SMARCC1: variants seen among roughly 807,000 people sequenced by gnomAD.
SMARCC1 encodes the protein SWI/SNF complex subunit SMARCC1.
In SMARCC1, 43 loss-of-function variants were observed where a neutral mutation model predicts 147.4. That is an observed-to-expected ratio of 0.29 (90% CI 0.23 to 0.38). The LOEUF is 0.38. Among genes scored for constraint, SMARCC1 ranks in the 10% least tolerant of loss-of-function variants. The probability of loss-of-function intolerance (pLI) is 1.00; values close to 1 mark genes in which losing one functional copy is unlikely to be tolerated. For synonymous variants in SMARCC1, 495 were observed against 484.4 expected, an observed-to-expected ratio of 1.02 and a Z score of -0.29; for missense variants, 1,119 against 1,381.1, an observed-to-expected ratio of 0.81 and a Z score of 3.01.
At position 47,675,535 on chromosome 3, in the gene SMARCC1, T is replaced by G. The variant is rs1251193110; in HGVS notation, c.1779A>C (p.Pro593=). 1 of 1,613,184 alleles carries G rather than the reference T, an allele frequency of 6.2e-7. No individual in the cohort carries two copies. Among genetic ancestry groups the G allele is most frequent in the African/African-American group, 1.3e-5 (1 of 74,916 alleles). The change falls in exon 18 of 28, where the codon CCA becomes CCC. Residue 593 remains proline (P), a synonymous_variant. Coordinates refer to ENST00000254480, the MANE Select transcript of SMARCC1 (RefSeq NM_003074.4). ...LNFPEKNKEK[P]VDLQNFGLRT... ...GGAGACCAAAGTTCTGCAAATCAAC[T>G]GGTTTTTCCTTGTTTTTCTCAGGAA...
At chr3:47,650,250 T>C (rs573613241) in intron 21 of SMARCC1, among the ~76,000 whole-genome samples, 91 of 150,060 alleles carry the variant, frequency 6.1e-4, no homozygotes, top group African/African-American at 1.8e-3. Flanking sequence ...CACTCTAGCC[T>C]GGGCGACAGA....
At chr3:47,590,153 G>C (rs1022922435) in intron 27 of SMARCC1, among the ~76,000 whole-genome samples, 4 of 152,176 alleles carry the variant, frequency 2.6e-5, no homozygotes, top group Admixed American at 2.6e-4. Context: ...CTGGAACTTC[G>C]TATTTCCTCT....
chr3:47,632,592 T>C (rs1195259151), intron 24 of SMARCC1, among the ~76,000 whole-genome samples: 1 of 151,926 alleles, frequency 6.6e-6, no homozygotes, highest in African/African-American at 2.4e-5. Context: ...TGGGCAAATC[T>C]CTTGAGCCCA....
chr3:47,618,249 A>C (rs1349338311), intron 25 of SMARCC1, among the ~76,000 whole-genome samples: 1 of 152,178 alleles, frequency 6.6e-6, no homozygotes, highest in Non-Finnish European at 1.5e-5. Flanking sequence ...AACATTTTTT[A>C]AAAGTCAAAA....
chr3:47,618,972 C>T (rs1000565674), intron 25 of SMARCC1, among the ~76,000 whole-genome samples: 3 of 152,126 alleles, frequency 2.0e-5, no homozygotes, highest in African/African-American at 7.2e-5. Context: ...CCCGCATATG[C>T]CAACAATCCA....
In SMARCC1 at chr3:47,692,167, GAAGAA is replaced by G. The variant is rs1251227461; in HGVS notation, c.1225+1069_1225+1073del. On this transcript the variant is annotated intron_variant, in intron 12 of 27. Transcript: ENST00000254480. ...AAACAATAGGTTCTCCTTTACAAGT[GAAGAA>G]AAGAAATCAAGCCTAATGTCTCATC... Among the ~76,000 whole-genome samples the G allele has an allele frequency of 2.6e-5, 4 of 152,162 alleles. No homozygotes were observed. In the East Asian group the frequency reaches 5.8e-4, roughly 22 times the overall value.
At chr3:47,602,573 C>T (rs1397283958) in intron 26 of SMARCC1, among the ~76,000 whole-genome samples, 1 of 152,144 alleles carries the variant, frequency 6.6e-6, no homozygotes, top group African/African-American at 2.4e-5. Flanking sequence ...GCTGGGATTA[C>T]AGGCGTAAGC....
At chr3:47,654,334 C>T (rs1454272848) in intron 21 of SMARCC1, among the ~76,000 whole-genome samples, 1 of 152,212 alleles carries the variant, frequency 6.6e-6, no homozygotes, top group Non-Finnish European at 1.5e-5. Flanking sequence ...GCAGAATCAA[C>T]ATAGAAGAAC....
chr3:47,642,852 T>C (rs1366462464), intron 21 of SMARCC1, among the ~76,000 whole-genome samples: 2 of 152,080 alleles, frequency 1.3e-5, no homozygotes, highest in African/African-American at 4.8e-5. Flanking sequence ...TTGAGACCAC[T>C]CTAGGCAACA....
At chr3:47,745,452 C>T (rs1010450647) in intron 3 of SMARCC1, among the ~76,000 whole-genome samples, 3 of 152,096 alleles carry the variant, frequency 2.0e-5, no homozygotes, top group Non-Finnish European at 4.4e-5. Flanking sequence ...GTGGCTCACG[C>T]CTGTAATCCC....
intron 11 of SMARCC1, among the ~76,000 whole-genome samples, chr3:47,696,079 G>A (rs1189656532): frequency 0.016 from 175 of 11,124 alleles, 2 homozygotes; most frequent in African/African-American, 0.067. Context: ...AAAAAAAAAG[G>A]GGGGGGGGGG....
At chr3:47,626,484 A>G (rs2032812612) in intron 24 of SMARCC1, among the ~76,000 whole-genome samples, 1 of 151,468 alleles carries the variant, frequency 6.6e-6, no homozygotes, top group South Asian at 2.1e-4. Context: ...AGAAAGAAAG[A>G]AAGAAAAAAA....
chr3:47,765,111 C>T (rs1469125923), intron 2 of SMARCC1, among the ~76,000 whole-genome samples: 1 of 152,092 alleles, frequency 6.6e-6, no homozygotes, highest in Non-Finnish European at 1.5e-5. Context: ...ATTAGCCGGG[C>T]GTGGTGGCGC....
chr3:47,588,157 TC>T lies in SMARCC1; in HGVS notation c.*51del. 7.3e-7 allele frequency: 1 copy of T among 1,374,292 alleles called. No homozygotes were observed. The highest frequency in any genetic ancestry group is 1.0e-6 in the Non-Finnish European group (1 of 974,868). The allele number at this position is 1,374,292 out of a possible 1,614,324, so 85.1% of individuals were successfully genotyped here. A position where few individuals can be genotyped will look rare whatever the true frequency, so the allele number is the denominator to read the frequency against. ...AAGTTGAGGAACACAAGTCTTGTCA[TC>T]CCCACTCCAGCTCATGGTGGTGGGC... On this transcript the variant is annotated 3_prime_UTR_variant, in exon 28 of 28. Transcript: ENST00000254480.
chr3:47,712,651 A>G (rs1199477711), intron 8 of SMARCC1, among the ~76,000 whole-genome samples: 1 of 149,856 alleles, frequency 6.7e-6, no homozygotes, highest in African/African-American at 2.4e-5. Context: ...TTGGGCAAAC[A>G]GTTTTAGTAA....
chr3:47,619,690 C>A (rs1367818685), intron 25 of SMARCC1, among the ~76,000 whole-genome samples: 2 of 152,184 alleles, frequency 1.3e-5, no homozygotes. Flanking sequence ...GTGAGAGATG[C>A]TTACAGAGAC....
chr3:47,663,675 T>C (rs878972240), intron 19 of SMARCC1: 12 of 1,490,330 alleles, frequency 8.1e-6, no homozygotes, highest in Middle Eastern at 1.7e-4. Context: ...CCCCCAGTCA[T>C]TGAGGGGCTT....
intron 21 of SMARCC1, among the ~76,000 whole-genome samples, chr3:47,643,256 C>T (rs572239558): frequency 2.2e-4 from 34 of 152,236 alleles, no homozygotes; most frequent in Admixed American, 3.3e-4. Context: ...CTTATCTTGG[C>T]GTGTCGGCTG....
chr3:47,728,644 C>G (rs571629160), intron 6 of SMARCC1, among the ~76,000 whole-genome samples: 1 of 152,124 alleles, frequency 6.6e-6, no homozygotes, highest in Non-Finnish European at 1.5e-5. Flanking sequence ...CAGTGGCTCA[C>G]ACCTGTAAAC....
Sources: allele counts gnomAD v4.1 joint callset (sites outside exome capture counted in the v4.1 genomes callset), GRCh38; gene constraint gnomAD v4.1.1; transcripts MANE v1.5; gene names NCBI Gene and HGNC (gene_info 2026-07-23, HGNC 2026-07-21).